CCDC28A: variants seen among roughly 807,000 people sequenced by gnomAD.
The protein encoded by CCDC28A is coiled-coil domain containing 28A, also known as coiled-coil domain-containing protein 28A.
A neutral mutation model predicts 22.1 loss-of-function variants in CCDC28A; 24 were observed. The ratio of observed to expected loss-of-function variants is 1.09; its 90% confidence interval spans 0.79 to 1.53. CCDC28A has a LOEUF of 1.53. Ranked by LOEUF, CCDC28A falls within the 40% of genes most tolerant of loss-of-function variation. CCDC28A has a pLI of 0.00. For missense variants in CCDC28A, 170 were observed against 210.7 expected, an observed-to-expected ratio of 0.81 and a Z score of 1.20; for synonymous variants, 83 against 74.7, an observed-to-expected ratio of 1.11 and a Z score of -0.57.
At chr6:138,788,619 A>T (rs1301967198) in intron 5 of CCDC28A, among the ~76,000 whole-genome samples, 1 of 124,942 alleles carries the variant, frequency 8.0e-6, no homozygotes, top group Non-Finnish European at 1.6e-5. Context: ...TCAGTGGCCC[A>T]GGCTGGAGTG....
At chr6:138,787,957 C>CT (rs397886393) in intron 4 of CCDC28A, among the ~76,000 whole-genome samples, 1,076 of 85,294 alleles carry the variant, frequency 0.013, 17 homozygotes, top group African/African-American at 0.017. Flanking sequence ...TTACAGAAAG[C>CT]TTTTTTTTTT....
At chr6:138,777,165 C>T (rs1774946779) in intron 2 of CCDC28A, among the ~76,000 whole-genome samples, 1 of 152,212 alleles carries the variant, frequency 6.6e-6, no homozygotes, top group South Asian at 2.1e-4. Flanking sequence ...CACATCCAAT[C>T]TCACCCTGGC....
intron 4 of CCDC28A, among the ~76,000 whole-genome samples, chr6:138,786,381 T>A (rs1281450766): frequency 6.6e-6 from 1 of 152,332 alleles, no homozygotes; most frequent in African/African-American, 2.4e-5. Context: ...TTAATTAAAT[T>A]TGCCTCTTTA....
Position 138,773,801 on chromosome 6 carries a change from C to T in CCDC28A, c.-144C>T, listed in dbSNP as rs1378935533. 1.9e-6 allele frequency: 3 copies of T among 1,613,814 alleles called. No individual in the cohort carries two copies. Among genetic ancestry groups the T allele is most frequent in the Non-Finnish European group, 2.5e-6 (3 of 1,179,916 alleles). ...AACGGAGCTGCGGAGGAGCGGGTCC[C>T]GGGATGTGACCGGGGCTCTGCTTGT... On this transcript the variant is annotated 5_prime_UTR_variant, in exon 1 of 6. Transcript: ENST00000617445.
chr6:138,774,478 C>CA (rs780961116), intron 1 of CCDC28A, among the ~76,000 whole-genome samples: 38 of 152,254 alleles, frequency 2.5e-4, no homozygotes, highest in South Asian at 4.1e-4. Context: ...TGTTCTGTTA[C>CA]AAAAAATGCT....
intron 5 of CCDC28A, among the ~76,000 whole-genome samples, chr6:138,791,321 G>A (rs1318150201): frequency 6.6e-6 from 1 of 151,948 alleles, no homozygotes; most frequent in African/African-American, 2.4e-5. Context: ...GGCTCAAGCA[G>A]TCCTCCTGCC....
chr6:138,776,266 CAAAGTTAA>C lies in CCDC28A; in HGVS notation c.151_158del (p.Leu51SerfsTer28), dbSNP rs1230783313. 2 of 1,612,556 alleles carry C rather than the reference CAAAGTTAA, an allele frequency of 1.2e-6. No individual in the cohort carries two copies. Among genetic ancestry groups the C allele is most frequent in the African/African-American group, 2.7e-5 (2 of 74,860 alleles). ...GCATCACAGTCAACTTCACAGCGAC[CAAAGTTAA>C]AAAGGTGAATTCTTTTATTTTACAT... On this transcript the variant is annotated frameshift_variant, in exon 2 of 6. Coordinates refer to ENST00000617445, the MANE Select transcript of CCDC28A (RefSeq NM_015439.3). LOFTEE classifies it high-confidence loss of function.
At chr6:138,779,068 T>C in intron 2 of CCDC28A, among the ~76,000 whole-genome samples, 1 of 152,218 alleles carries the variant, frequency 6.6e-6, no homozygotes, top group Non-Finnish European at 1.5e-5. Context: ...GTGCCCGGCC[T>C]ACTGAAGCAT....
intron 1 of CCDC28A, 48 bp downstream of exon 1, chr6:138,773,950 C>T (rs764440690): frequency 1.9e-6 from 3 of 1,597,678 alleles, no homozygotes; most frequent in Non-Finnish European, 2.6e-6. Flanking sequence ...CCTTTAGGCC[C>T]TTCCCACCAC....
At chr6:138,777,509 A>G (rs752461824) in intron 2 of CCDC28A, among the ~76,000 whole-genome samples, 11 of 152,196 alleles carry the variant, frequency 7.2e-5, no homozygotes, top group Non-Finnish European at 1.0e-4. Context: ...AAAGCAGTTT[A>G]TTTGTATCAT....
intron 2 of CCDC28A, among the ~76,000 whole-genome samples, chr6:138,778,458 C>G (rs1291710577): frequency 6.6e-6 from 1 of 152,156 alleles, no homozygotes; most frequent in Non-Finnish European, 1.5e-5. Context: ...CGCATAACAT[C>G]ATCACTCAAC....
At position 138,775,471 on chromosome 6, in the gene CCDC28A, T is replaced by C. The variant is rs559649510; in HGVS notation, c.-42-608T>C. ...AAAATAGGCAACGAACAAGTTTGAT[T>C]TTCTAGAACTTCACTTATCACCAAG... On this transcript the variant is annotated intron_variant, in intron 1 of 5. Transcript: ENST00000617445. 3.1e-4 allele frequency among the ~76,000 whole-genome samples: 47 copies of C among 152,344 alleles called. 1 individual carries two copies. The South Asian group carries it at 9.7e-3, about 32-fold the overall frequency.
chr6:138,788,511 TTCACTAGGGCCG>T (rs1775125393), intron 5 of CCDC28A, 123 bp downstream of exon 5: 1 of 475,268 alleles, frequency 2.1e-6, no homozygotes, highest in Non-Finnish European at 3.9e-6. Context: ...CGTAGTATTA[TTCACTAGGGCCG>T]TCACTCTTCC....
chr6:138,781,403 C>G (rs1775018698), intron 3 of CCDC28A, among the ~76,000 whole-genome samples: 1 of 152,182 alleles, frequency 6.6e-6, no homozygotes, highest in Non-Finnish European at 1.5e-5. Flanking sequence ...AGGCTGGTGC[C>G]TCTATTCTTT....
intron 3 of CCDC28A, among the ~76,000 whole-genome samples, chr6:138,780,638 G>A (rs1269287241): frequency 2.1e-5 from 3 of 145,414 alleles, no homozygotes; most frequent in Non-Finnish European, 4.5e-5. Flanking sequence ...TCCATGGCAC[G>A]ATCTCGGCTC....
chr6:138,789,830 G>A (rs999906899), intron 5 of CCDC28A, among the ~76,000 whole-genome samples: 1 of 152,166 alleles, frequency 6.6e-6, no homozygotes, highest in Non-Finnish European at 1.5e-5. Flanking sequence ...TCCAAGTCCT[G>A]TAATGGCGAT....
At chr6:138,775,669 T>C (rs947628025) in intron 1 of CCDC28A, among the ~76,000 whole-genome samples, 1 of 152,244 alleles carries the variant, frequency 6.6e-6, no homozygotes, top group African/African-American at 2.4e-5. Context: ...AAAGGCCACC[T>C]GAAGCTTGAA....
In CCDC28A at chr6:138,786,925, C is replaced by G. The variant is rs879070545; in HGVS notation, c.478-1441C>G. On this transcript the variant is annotated intron_variant, in intron 4 of 5. Coordinates refer to ENST00000617445, the MANE Select transcript of CCDC28A (RefSeq NM_015439.3). ...GCCACGGTGTCTGGCTTTACCAGTT[C>G]ATGTTTTACATTTTTTTCCTCTTAA... is the stretch of plus-strand genomic sequence containing the variant. Among the ~76,000 whole-genome samples the G allele has an allele frequency of 2.6e-5, 4 of 152,164 alleles. No homozygotes were observed. The South Asian group carries it at 6.2e-4, about 24-fold the overall frequency.
chr6:138,776,027 T>G, intron 1 of CCDC28A, 52 bp from the exon 2 acceptor site: 1 of 1,439,234 alleles, frequency 6.9e-7, no homozygotes, highest in Middle Eastern at 1.8e-4. Context: ...TGAATTTCTT[T>G]CATGTTTGCA....
Sources: allele counts gnomAD v4.1 joint callset (sites outside exome capture counted in the v4.1 genomes callset), GRCh38; gene constraint gnomAD v4.1.1; transcripts MANE v1.5; gene names NCBI Gene and HGNC (gene_info 2026-07-23, HGNC 2026-07-21).